GRIP1: variants seen among roughly 807,000 people sequenced by gnomAD.
GRIP1 encodes glutamate receptor interacting protein 1.
Under a neutral mutation model 129.9 loss-of-function variants are expected in GRIP1, and 45 were observed. The observed-to-expected ratio is 0.35, with a 90% confidence interval of 0.27 to 0.44. The LOEUF is 0.44. Ranked by LOEUF, GRIP1 falls within the 20% of genes least tolerant of loss-of-function variation. The pLI, the probability that GRIP1 is intolerant of heterozygous loss-of-function variation, is 1.00. For synonymous variants in GRIP1, 530 were observed against 520.8 expected (o/e 1.02, Z -0.24); for missense variants, 1,196 against 1,396.8 (o/e 0.86, Z 2.29).
intron 1 of GRIP1, among the ~76,000 whole-genome samples, chr12:66,781,851 T>C (rs1437057247): frequency 1.3e-5 from 2 of 152,216 alleles, no homozygotes; most frequent in Non-Finnish European, 2.9e-5. Flanking sequence ...ATAGCCATTT[T>C]TGAAAACTAT....
intron 15 of GRIP1, among the ~76,000 whole-genome samples, chr12:66,415,799 C>G (rs2057578614): frequency 6.6e-6 from 1 of 152,126 alleles, no homozygotes; most frequent in South Asian, 2.1e-4. Flanking sequence ...AGGCTTTATC[C>G]TCAGCAAACT....
At chr12:66,745,773 A>C (rs531024419) in intron 1 of GRIP1, among the ~76,000 whole-genome samples, 34 of 152,270 alleles carry the variant, frequency 2.2e-4, no homozygotes, top group African/African-American at 8.2e-4. Context: ...ACAGCGTACT[A>C]AAAAAGACCT....
At chr12:67,041,223 A>G (rs1373389765) in intron 1 of GRIP1, among the ~76,000 whole-genome samples, 1 of 152,112 alleles carries the variant, frequency 6.6e-6, no homozygotes, top group African/African-American at 2.4e-5. Context: ...ACATATGTGT[A>G]TTATATATAC....
chr12:66,491,449 C>T, intron 7 of GRIP1, among the ~76,000 whole-genome samples: 1 of 152,132 alleles, frequency 6.6e-6, no homozygotes, highest in Non-Finnish European at 1.5e-5. Context: ...ACAACACACA[C>T]TGGGGCCTGT....
chr12:66,678,932 T>C lies in GRIP1; in HGVS notation c.-28A>G, dbSNP rs193182230. On this transcript the variant is annotated 5_prime_UTR_variant, in exon 1 of 25. Transcript: ENST00000359742. ...TTGCTCACTGCTTTCTGTGGCAAAG[T>C]GTACTCAAGGCTCTCTGCTCTGGTG... 9 of 1,613,060 alleles carry C rather than the reference T, an allele frequency of 5.6e-6. No homozygotes were observed. The African/African-American group carries it at 9.3e-5, about 17-fold the overall frequency.
intron 1 of GRIP1, among the ~76,000 whole-genome samples, chr12:67,024,565 T>A (rs768392404): frequency 1.3e-5 from 2 of 152,140 alleles, no homozygotes; most frequent in Admixed American, 1.3e-4. Context: ...GGCCTGCCTA[T>A]GTAATAAAGT....
chr12:67,004,502 A>G (rs931844807), intron 1 of GRIP1, among the ~76,000 whole-genome samples: 2 of 152,152 alleles, frequency 1.3e-5, no homozygotes, highest in Admixed American at 6.5e-5. Flanking sequence ...TAGTTTGATG[A>G]GGACTCCAGG....
At chr12:66,988,410 T>A (rs946381013) in intron 1 of GRIP1, among the ~76,000 whole-genome samples, 1 of 152,004 alleles carries the variant, frequency 6.6e-6, no homozygotes, top group African/African-American at 2.4e-5. Flanking sequence ...ATGGAAATTT[T>A]ACTCTGTCAT....
At chr12:66,378,895 C>A (rs899669801) in intron 20 of GRIP1, among the ~76,000 whole-genome samples, 6 of 152,030 alleles carry the variant, frequency 3.9e-5, no homozygotes, top group Non-Finnish European at 8.8e-5. Context: ...TGCAGTGAGC[C>A]GAGATCTTGC....
chr12:66,512,958 T>A (rs1486861827), intron 7 of GRIP1, among the ~76,000 whole-genome samples: 2 of 152,110 alleles, frequency 1.3e-5, no homozygotes, highest in Non-Finnish European at 1.5e-5. Context: ...AGAAAGATAT[T>A]CTTTTTAGTT....
chr12:66,521,881 C>A (rs7964549), intron 5 of GRIP1, among the ~76,000 whole-genome samples: 14,129 of 152,236 alleles, frequency 0.093, 756 homozygotes, highest in East Asian at 0.24. Context: ...GAGGGTCCTA[C>A]GCCCATGGAG....
chr12:66,851,247 T>C (rs1719386744), intron 1 of GRIP1, among the ~76,000 whole-genome samples: 1 of 151,818 alleles, frequency 6.6e-6, no homozygotes, highest in South Asian at 2.1e-4. Context: ...CGGCATCCTT[T>C]ACAACACCAT....
chr12:66,906,248 A>G (rs1359104252), intron 1 of GRIP1, among the ~76,000 whole-genome samples: 4 of 151,962 alleles, frequency 2.6e-5, no homozygotes, highest in African/African-American at 9.7e-5. Context: ...ACATAGCAAG[A>G]CCTCATCTCT....
chr12:66,914,914 C>T lies in GRIP1; in HGVS notation c.58+154136G>A, dbSNP rs528088545. 3.9e-5 allele frequency among the ~76,000 whole-genome samples: 6 copies of T among 152,264 alleles called. No homozygotes were observed. In the South Asian group the frequency reaches 1.2e-3, roughly 32 times the overall value. ...CTGAAGCAAGAGGATCACTTGAATCCAGGAGTTTGAGTCCAGCATGGGCAA... is the reference window on the plus strand; with the variant it reads ...CTGAAGCAAGAGGATCACTTGAATCTAGGAGTTTGAGTCCAGCATGGGCAA... On this transcript the variant is annotated intron_variant, in intron 1 of 1. Coordinates refer to the GRIP1 transcript ENST00000643019.
chr12:66,877,756 A>G lies in GRIP1; in HGVS notation c.58+191294T>C, dbSNP rs1396860313. 4.6e-5 allele frequency among the ~76,000 whole-genome samples: 7 copies of G among 152,106 alleles called. No homozygotes were observed. In the East Asian group the frequency reaches 1.3e-3, roughly 29 times the overall value. ...TTTCCTCTTATCCCACACATAAAAC[A>G]TATCTGGCAGAAAGTCAGATTAGAA... On this transcript the variant is annotated intron_variant, in intron 1 of 1. Transcript: ENST00000643019.
Position 66,954,964 on chromosome 12 carries a change from A to T in GRIP1, c.58+114086T>A, listed in dbSNP as rs185698218. 2.7e-4 allele frequency among the ~76,000 whole-genome samples: 41 copies of T among 152,340 alleles called. 2 individuals carry two copies. The highest frequency in any genetic ancestry group is 2.4e-3 in the Admixed American group (37 of 15,302). Reference sequence around the variant, plus strand: ...AAAGAGGGTGGCCGCAGAAGGCCTCATTGATAAAGTGCCACTTGAGCAAAG... The same window carrying T: ...AAAGAGGGTGGCCGCAGAAGGCCTCTTTGATAAAGTGCCACTTGAGCAAAG... On this transcript the variant is annotated intron_variant, in intron 1 of 1. Transcript: ENST00000643019.
At chr12:67,038,192 C>T (rs185219002) in intron 1 of GRIP1, among the ~76,000 whole-genome samples, 203 of 152,258 alleles carry the variant, frequency 1.3e-3, no homozygotes, top group African/African-American at 4.5e-3. Flanking sequence ...CCATAGAAGG[C>T]AGACAATGGA....
chr12:66,953,503 T>C (rs2041792598), intron 1 of GRIP1, among the ~76,000 whole-genome samples: 1 of 152,200 alleles, frequency 6.6e-6, no homozygotes, highest in African/African-American at 2.4e-5. Flanking sequence ...GGCGTGTTGT[T>C]TTTGTTTGTT....
chr12:67,024,775 C>A (rs1314042897), intron 1 of GRIP1, among the ~76,000 whole-genome samples: 1 of 151,452 alleles, frequency 6.6e-6, no homozygotes. Flanking sequence ...GGTACAATGA[C>A]AAAAAAAAGA....
Sources: allele counts gnomAD v4.1 joint callset (sites outside exome capture counted in the v4.1 genomes callset), GRCh38; gene constraint gnomAD v4.1.1; transcripts MANE v1.5; gene names NCBI Gene and HGNC (gene_info 2026-07-23, HGNC 2026-07-21).